ERBB4: variants seen among roughly 807,000 people sequenced by gnomAD.
ERBB4 encodes receptor tyrosine-protein kinase erbB-4.
Under a neutral mutation model 158.0 loss-of-function variants are expected in ERBB4, and 42 were observed. The ratio of observed to expected loss-of-function variants is 0.27; its 90% CI spans 0.21 to 0.34. ERBB4 has a LOEUF of 0.34. ERBB4 is among the 10% of genes least tolerant of loss of function. ERBB4 has a pLI of 1.00. For synonymous variants in ERBB4, 583 were observed against 558.7 expected, an observed-to-expected ratio of 1.04 and a Z score of -0.61; for missense variants, 1,333 against 1,624.1, an observed-to-expected ratio of 0.82 and a Z score of 3.08.
intron 1 of ERBB4, among the ~76,000 whole-genome samples, chr2:212,471,576 A>C (rs1308317231): frequency 6.6e-6 from 1 of 151,936 alleles, no homozygotes; most frequent in Non-Finnish European, 1.5e-5. Context: ...TGTGCAAAGA[A>C]ACAACCTAGC....
chr2:211,899,008 A>C (rs2079166861), intron 3 of ERBB4, among the ~76,000 whole-genome samples: 1 of 152,264 alleles, frequency 6.6e-6, no homozygotes, highest in East Asian at 1.9e-4. Flanking sequence ...AGACTTCAAT[A>C]ATGTTTTGCC....
chr2:211,499,990 T>A (rs1044998786), intron 20 of ERBB4, among the ~76,000 whole-genome samples: 1 of 152,124 alleles, frequency 6.6e-6, no homozygotes, highest in Non-Finnish European at 1.5e-5. Flanking sequence ...ACCCTACTAG[T>A]GAGTGATGAC....
chr2:212,089,130 T>C (rs1408392430), intron 2 of ERBB4, among the ~76,000 whole-genome samples: 1 of 152,186 alleles, frequency 6.6e-6, no homozygotes, highest in African/African-American at 2.4e-5. Flanking sequence ...TAAAAGCTAA[T>C]ATAAGACTAT....
At chr2:211,416,830 T>C (rs914323169) in intron 25 of ERBB4, among the ~76,000 whole-genome samples, 6 of 145,026 alleles carry the variant, frequency 4.1e-5, no homozygotes, top group Non-Finnish European at 7.5e-5. Flanking sequence ...TTTTTTTTTT[T>C]AACCCTACAC....
intron 1 of ERBB4, among the ~76,000 whole-genome samples, chr2:212,156,951 C>T (rs2125639489): frequency 6.6e-6 from 1 of 152,238 alleles, no homozygotes; most frequent in Middle Eastern, 3.4e-3. Context: ...GGACTCCTAA[C>T]TGGTCTCCTG....
At chr2:212,065,028 TTG>T (rs1220915180) in intron 2 of ERBB4, among the ~76,000 whole-genome samples, 70 of 130,388 alleles carry the variant, frequency 5.4e-4, no homozygotes, top group Middle Eastern at 3.9e-3. Context: ...TGTGTGTGTG[TTG>T]TGTGTGTGTG....
chr2:211,922,833 G>A (rs1435446477), intron 3 of ERBB4, among the ~76,000 whole-genome samples: 1 of 152,060 alleles, frequency 6.6e-6, no homozygotes, highest in African/African-American at 2.4e-5. Context: ...ATGAAAGTTA[G>A]TAGGAAAGTA....
intron 21 of ERBB4, among the ~76,000 whole-genome samples, chr2:211,428,829 C>T (rs750613822): frequency 1.4e-4 from 22 of 152,006 alleles, no homozygotes; most frequent in Non-Finnish European, 2.9e-4. Flanking sequence ...GTGATCCTCC[C>T]ACCTTAGCCT....
At chr2:211,900,043 A>T (rs909040017) in intron 3 of ERBB4, among the ~76,000 whole-genome samples, 11 of 152,266 alleles carry the variant, frequency 7.2e-5, no homozygotes, top group Non-Finnish European at 1.2e-4. Flanking sequence ...TCAGTAGACA[A>T]GGTGTCTTAT....
At chr2:212,272,432 T>C (rs1250884866) in intron 1 of ERBB4, among the ~76,000 whole-genome samples, 1 of 151,698 alleles carries the variant, frequency 6.6e-6, no homozygotes, top group Admixed American at 6.6e-5. Context: ...GTCATGGCCG[T>C]TGAATTGTGA....
chr2:212,436,173 G>A (rs16848561), intron 1 of ERBB4, among the ~76,000 whole-genome samples: 5,726 of 151,944 alleles, frequency 0.038, 372 homozygotes, highest in African/African-American at 0.13. Context: ...AGTCAACACT[G>A]TCAGCCATAT....
At chr2:212,196,898 G>A (rs1184186620) in intron 1 of ERBB4, among the ~76,000 whole-genome samples, 3 of 152,108 alleles carry the variant, frequency 2.0e-5, no homozygotes, top group Admixed American at 6.6e-5. Context: ...TTCAGATTTT[G>A]GATAAGGAAA....
At chr2:211,926,050 CAA>C (rs893156986) in intron 3 of ERBB4, among the ~76,000 whole-genome samples, 8 of 151,928 alleles carry the variant, frequency 5.3e-5, no homozygotes, top group African/African-American at 1.9e-4. Context: ...GAGGAAAAGA[CAA>C]AAAACAGCTG....
intron 2 of ERBB4, among the ~76,000 whole-genome samples, chr2:212,077,181 G>C (rs1205945390): frequency 6.6e-6 from 1 of 151,918 alleles, no homozygotes; most frequent in Non-Finnish European, 1.5e-5. Flanking sequence ...ACTTGTTATG[G>C]TACATACGTA....
chr2:211,848,260 A>G (rs1203841142), intron 3 of ERBB4, among the ~76,000 whole-genome samples: 2 of 152,134 alleles, frequency 1.3e-5, no homozygotes, highest in African/African-American at 4.8e-5. Flanking sequence ...ACCTTGTGTC[A>G]TCTGTGGGAT....
Position 212,538,630 on chromosome 2 carries a change from G to A in ERBB4, c.-100C>T, listed in dbSNP as rs1297680271. The A allele has an allele frequency of 1.1e-5, 14 of 1,248,022 alleles. No homozygotes were observed. The highest frequency in any genetic ancestry group is 3.6e-5 in the Admixed American group (2 of 55,944). 77.3% of individuals were successfully genotyped at this position (1,248,022 alleles called of 1,614,324 possible). A position where few individuals can be genotyped will look rare whatever the true frequency, so the allele number is the denominator to read the frequency against. On this transcript the variant is annotated 5_prime_UTR_variant, in exon 1 of 28. Transcript: ENST00000342788. ...AGATCCCCCAGCCGGGCGCGCGTGG[G>A]GGTGCGAGGGGGGCGGGCGCGGCGC...
At chr2:211,562,137 AT>A in intron 19 of ERBB4, 49 bp from the exon 20 acceptor site, 2 of 1,528,708 alleles carry the variant, frequency 1.3e-6, no homozygotes, top group Non-Finnish European at 9.0e-7. Context: ...ATTTTCTTAG[AT>A]TTAGAGTTAC....
At chr2:211,621,662 G>T (rs917605869) in intron 18 of ERBB4, among the ~76,000 whole-genome samples, 1 of 152,144 alleles carries the variant, frequency 6.6e-6, no homozygotes, top group African/African-American at 2.4e-5. Flanking sequence ...TTAATTTACA[G>T]ACCACATTAT....
At position 211,377,840 on chromosome 2, in the gene ERBB4, A is replaced by G. The variant is rs1168263031; in HGVS notation, c.*5775T>C. ...TCATCACAGGGCTAACTCGTCTCAA[A>G]TTCCTATAGGGAAGGACACAGAGAA... On this transcript the variant is annotated 3_prime_UTR_variant, in exon 28 of 28. Coordinates refer to ENST00000342788, the MANE Select transcript of ERBB4 (RefSeq NM_005235.3). The G allele has an allele frequency of 4.3e-6, 1 of 232,834 alleles. No homozygotes were observed. The highest frequency in any genetic ancestry group is 8.5e-6 in the Non-Finnish European group (1 of 117,618). The allele number at this position is 232,834 out of a possible 1,614,324, so 14.4% of individuals were successfully genotyped here. A position where few individuals can be genotyped will look rare whatever the true frequency, so the allele number is the denominator to read the frequency against.
Sources: gnomAD v4.1 joint callset for allele counts (sites outside exome capture counted in the v4.1 genomes callset) on GRCh38, gnomAD v4.1.1 for gene constraint, MANE v1.5 for transcripts, NCBI Gene and HGNC (gene_info 2026-07-23, HGNC 2026-07-21) for gene names.